MAML2: variants seen among roughly 807,000 people sequenced by gnomAD.
The protein encoded by MAML2 is mastermind-like protein 2.
A neutral mutation model predicts 96.1 loss-of-function variants in MAML2; 22 were observed. The observed-to-expected ratio is 0.23, with a 90% CI of 0.16 to 0.33. The LOEUF (loss-of-function observed/expected upper bound fraction) is 0.33, where lower values mean the gene tolerates loss of function less well. Among genes scored for constraint, MAML2 ranks in the 10% least tolerant of loss-of-function variants. The probability of loss-of-function intolerance (pLI) is 1.00; values close to 1 mark genes in which losing one functional copy is unlikely to be tolerated. For synonymous variants in MAML2, 561 were observed against 521.3 expected, an observed-to-expected ratio of 1.08 and a Z score of -1.04; for missense variants, 1,367 against 1,392.4, an observed-to-expected ratio of 0.98 and a Z score of 0.29.
At chr11:96,110,407 A>G (rs1860097793) in intron 1 of MAML2, among the ~76,000 whole-genome samples, 1 of 152,206 alleles carries the variant, frequency 6.6e-6, no homozygotes, top group African/African-American at 2.4e-5. Flanking sequence ...CTTTCACTTT[A>G]TGTTGTTCCT....
intron 1 of MAML2, among the ~76,000 whole-genome samples, chr11:96,230,941 G>C (rs1452569412): frequency 6.6e-6 from 1 of 152,174 alleles, no homozygotes; most frequent in Non-Finnish European, 1.5e-5. Flanking sequence ...AAATGCTCAG[G>C]TCCTGAGCTA....
At chr11:95,991,384 G>C in intron 3 of MAML2, 136 bp downstream of exon 3, 1 of 799,740 alleles carries the variant, frequency 1.3e-6, no homozygotes, top group Non-Finnish European at 2.1e-6. Flanking sequence ...CTAAATGTAT[G>C]GAATTATCCT....
intron 1 of MAML2, among the ~76,000 whole-genome samples, chr11:96,240,253 G>C: frequency 6.6e-6 from 1 of 152,024 alleles, no homozygotes; most frequent in East Asian, 1.9e-4. Context: ...TAGAAAATTT[G>C]GTTTGTTTTT....
rs138386567 is a variant in MAML2, at chr11:96,246,167, T to C, written c.513+95216A>G. On this transcript the variant is annotated intron_variant, in intron 1 of 4. Transcript: ENST00000524717. ...CAACAGGTAAATACATCCTAAGAACTGGATAAGTGACAAAAATGAAGCATA... is the reference window on the plus strand; with the variant it reads ...CAACAGGTAAATACATCCTAAGAACCGGATAAGTGACAAAAATGAAGCATA... Among the ~76,000 whole-genome samples, 4 of 151,994 alleles carry C rather than the reference T, an allele frequency of 2.6e-5. 1 individual carries two copies. In the South Asian group the frequency reaches 8.3e-4, roughly 32 times the overall value.
At chr11:96,006,848 C>T (rs1402623245) in intron 2 of MAML2, among the ~76,000 whole-genome samples, 1 of 149,304 alleles carries the variant, frequency 6.7e-6, no homozygotes, top group African/African-American at 2.5e-5. Flanking sequence ...GCGTGAGCCA[C>T]CACGCCTGGC....
intron 2 of MAML2, among the ~76,000 whole-genome samples, chr11:96,068,882 A>T (rs1046612358): frequency 6.6e-6 from 1 of 151,186 alleles, no homozygotes; most frequent in African/African-American, 2.4e-5. Context: ...ATAGATAAAA[A>T]AGAAGCGATA....
intron 1 of MAML2, among the ~76,000 whole-genome samples, chr11:96,173,019 G>A (rs1201269350): frequency 1.3e-5 from 2 of 152,066 alleles, no homozygotes; most frequent in South Asian, 2.1e-4. Context: ...TCCTAATATC[G>A]TTCTCCTCCT....
chr11:95,995,826 C>T (rs1269319956), intron 2 of MAML2, among the ~76,000 whole-genome samples: 1 of 152,134 alleles, frequency 6.6e-6, no homozygotes, highest in African/African-American at 2.4e-5. Context: ...CCATGTAGGC[C>T]ATCTGAGTTT....
intron 1 of MAML2, among the ~76,000 whole-genome samples, chr11:96,254,603 A>AC (rs1269529227): frequency 3.6e-4 from 55 of 152,178 alleles, no homozygotes; most frequent in Non-Finnish European, 6.8e-4. Context: ...ACAAAACAAA[A>AC]AAAAAACTCT....
intron 3 of MAML2, among the ~76,000 whole-genome samples, chr11:95,987,654 C>A (rs1857848288): frequency 6.6e-6 from 1 of 152,142 alleles, no homozygotes; most frequent in Non-Finnish European, 1.5e-5. Flanking sequence ...ACATTCCAAA[C>A]CTTCTTAGTA....
At position 96,342,037 on chromosome 11, in the gene MAML2, G is replaced by T; in HGVS notation, c.-142C>A. 3.8e-6 allele frequency: 3 copies of T among 781,020 alleles called. No individual in the cohort carries two copies. Among genetic ancestry groups the T allele is most frequent in the Non-Finnish European group, 5.9e-6 (3 of 510,500 alleles). 48.4% of individuals were successfully genotyped at this position (781,020 alleles called of 1,614,324 possible). On this transcript the variant is annotated 5_prime_UTR_variant, in exon 1 of 5. Coordinates refer to ENST00000524717, the MANE Select transcript of MAML2 (RefSeq NM_032427.4). ...ATAGAGGTCTTCAGAGGTTGTGGGG[G>T]AGCCGTGGAGAAGTTGTGGGGGAGG... is the stretch of plus-strand genomic sequence containing the variant.
chr11:96,246,454 A>G (rs1348730763), intron 1 of MAML2, among the ~76,000 whole-genome samples: 1 of 152,110 alleles, frequency 6.6e-6, no homozygotes, highest in Non-Finnish European at 1.5e-5. Flanking sequence ...AAGCACAGTG[A>G]TTGCTTCTGC....
At chr11:96,236,236 T>C (rs769884712) in intron 1 of MAML2, among the ~76,000 whole-genome samples, 18 of 152,218 alleles carry the variant, frequency 1.2e-4, no homozygotes, top group Non-Finnish European at 1.9e-4. Flanking sequence ...GAAATGATAG[T>C]ATAGCAAGAA....
At chr11:96,277,578 A>C (rs4498954) in intron 1 of MAML2, among the ~76,000 whole-genome samples, 56,674 of 151,432 alleles carry the variant, frequency 0.37, 11,601 homozygotes, top group East Asian at 0.53. Flanking sequence ...ATGGTGAAAC[A>C]CCGTCTCTGC....
chr11:96,229,611 C>A (rs1224018226), intron 1 of MAML2, among the ~76,000 whole-genome samples: 2 of 147,842 alleles, frequency 1.4e-5, no homozygotes, highest in Non-Finnish European at 3.0e-5. Flanking sequence ...TACCATGGTG[C>A]CTTGACTACA....
chr11:95,994,187 T>G (rs1426298389), intron 2 of MAML2, among the ~76,000 whole-genome samples: 2 of 152,118 alleles, frequency 1.3e-5, no homozygotes, highest in East Asian at 3.9e-4. Context: ...TGGAAAGAAG[T>G]GTGTTGGAGA....
At chr11:96,093,538 A>G (rs1309722827) in intron 1 of MAML2, 21 bp from the exon 2 acceptor site, 1 of 1,486,592 alleles carries the variant, frequency 6.7e-7, no homozygotes, top group East Asian at 2.3e-5. Flanking sequence ...GAAGGGAATA[A>G]AAAGGAAAAA....
intron 1 of MAML2, among the ~76,000 whole-genome samples, chr11:96,106,702 C>T (rs1477996424): frequency 6.6e-6 from 1 of 152,174 alleles, no homozygotes; most frequent in Non-Finnish European, 1.5e-5. Flanking sequence ...TTTCATTTGC[C>T]TTTCAGACAC....
intron 2 of MAML2, among the ~76,000 whole-genome samples, chr11:96,006,835 C>T (rs903822007): frequency 1.1e-4 from 16 of 150,450 alleles, no homozygotes; most frequent in African/African-American, 3.9e-4. Context: ...GCTGAGATTA[C>T]AGGCGTGAGC....
Sources: allele counts gnomAD v4.1 joint callset (sites outside exome capture counted in the v4.1 genomes callset), GRCh38; gene constraint gnomAD v4.1.1; transcripts MANE v1.5; gene names NCBI Gene and HGNC (gene_info 2026-07-23, HGNC 2026-07-21).